NFILZ: variants seen among roughly 807,000 people sequenced by gnomAD.
NFILZ encodes the protein NFIL3 like protein.
chr19:8,656,688 A>G (rs1555748552), intron 3 of NFILZ, among the ~76,000 whole-genome samples: 1 of 152,206 alleles, frequency 6.6e-6, no homozygotes, highest in Non-Finnish European at 1.5e-5. Flanking sequence ...GGCCTGTGCT[A>G]GGTGAATGGA....
At chr19:8,648,671 AC>A (rs2042952639) in intron 3 of NFILZ, among the ~76,000 whole-genome samples, 1 of 151,590 alleles carries the variant, frequency 6.6e-6, no homozygotes, top group Non-Finnish European at 1.5e-5. Context: ...TACAAACAAA[AC>A]AAAACAAACA....
In NFILZ at chr19:8,680,564, C is replaced by T. The variant is rs188518198; in HGVS notation, c.*2929C>T. Reference sequence around the variant, plus strand: ...CAGGTACTGGGGAAAGAGAAGTGAACACAATAGATGTGATTCCTGCCTCTA... The same window carrying T: ...CAGGTACTGGGGAAAGAGAAGTGAATACAATAGATGTGATTCCTGCCTCTA... On this transcript the variant is annotated 3_prime_UTR_variant, in exon 6 of 6. Transcript: ENST00000691075. 2.5e-4 allele frequency among the ~76,000 whole-genome samples: 38 copies of T among 151,998 alleles called. No individual in the cohort carries two copies. Among genetic ancestry groups the T allele is most frequent in the African/African-American group, 8.7e-4 (36 of 41,432 alleles).
intron 3 of NFILZ, among the ~76,000 whole-genome samples, chr19:8,661,889 CACAA>C (rs2043033444): frequency 3.9e-5 from 6 of 152,022 alleles, no homozygotes; most frequent in Admixed American, 3.9e-4. Context: ...TGTCTCAAAA[CACAA>C]ACAAACAAAA....
At chr19:8,643,305 G>C (rs1215125901) in intron 3 of NFILZ, among the ~76,000 whole-genome samples, 1 of 152,204 alleles carries the variant, frequency 6.6e-6, no homozygotes, top group African/African-American at 2.4e-5. Flanking sequence ...CAAAAGAAGA[G>C]AGTTTATAAG....
intron 3 of NFILZ, among the ~76,000 whole-genome samples, chr19:8,651,920 A>G (rs2042966302): frequency 6.6e-6 from 1 of 152,070 alleles, no homozygotes. Flanking sequence ...TCCTTCAACT[A>G]TCTACTTTCA....
chr19:8,647,197 C>T (rs1555747143), intron 3 of NFILZ, among the ~76,000 whole-genome samples: 5 of 152,146 alleles, frequency 3.3e-5, no homozygotes. Flanking sequence ...GACATGGAAT[C>T]AGCCCAAATG....
chr19:8,641,612 A>T (rs73503650), intron 3 of NFILZ, among the ~76,000 whole-genome samples: 118 of 152,266 alleles, frequency 7.7e-4, no homozygotes, highest in African/African-American at 2.7e-3. Flanking sequence ...GAGCACAAAG[A>T]CTTGCTCAGG....
rs895004432 is a variant in NFILZ, at chr19:8,634,569, A to G, written c.-260-1081A>G. Among the ~76,000 whole-genome samples, 55 of 152,308 alleles carry G rather than the reference A, an allele frequency of 3.6e-4. 2 individuals carry two copies. The highest frequency in any genetic ancestry group is 8.8e-5 in the Non-Finnish European group (6 of 68,024). ...TTGTAATGTTTTTTCCTTTCATTTA[A>G]GTAAAAATTAAAGTGTAATTTACTG... On this transcript the variant is annotated intron_variant, in intron 2 of 5. Coordinates refer to ENST00000691075, the MANE Select transcript of NFILZ (RefSeq NM_001378600.1).
intron 3 of NFILZ, among the ~76,000 whole-genome samples, chr19:8,648,715 G>T (rs1416919471): frequency 6.6e-6 from 1 of 152,094 alleles, no homozygotes. Context: ...AGCCAGGCGT[G>T]GTGGTGCATG....
intron 3 of NFILZ, among the ~76,000 whole-genome samples, chr19:8,665,308 A>T (rs2043056884): frequency 6.6e-6 from 1 of 152,092 alleles, no homozygotes; most frequent in South Asian, 2.1e-4. Context: ...CAGAAGAAAC[A>T]TTATGTGGAG....
intron 3 of NFILZ, among the ~76,000 whole-genome samples, chr19:8,638,844 G>GT (rs541846743): frequency 0.014 from 1,876 of 135,568 alleles, 22 homozygotes; most frequent in African/African-American, 0.027. Context: ...TTACTTTGCT[G>GT]TTTTTTTTTT....
intron 3 of NFILZ, among the ~76,000 whole-genome samples, chr19:8,672,282 C>A (rs1303704247): frequency 1.3e-5 from 2 of 151,498 alleles, no homozygotes; most frequent in Non-Finnish European, 2.9e-5. Context: ...CAAAAAAAAT[C>A]CATGCACTTA....
At chr19:8,631,261 A>T (rs2042868103) in intron 1 of NFILZ, among the ~76,000 whole-genome samples, 1 of 151,980 alleles carries the variant, frequency 6.6e-6, no homozygotes, top group African/African-American at 2.4e-5. Flanking sequence ...CCTTCCCAGG[A>T]CCCGGGCACT....
intron 3 of NFILZ, among the ~76,000 whole-genome samples, chr19:8,652,920 T>C (rs1193815907): frequency 7.1e-6 from 1 of 140,312 alleles, no homozygotes; most frequent in Non-Finnish European, 1.6e-5. Context: ...TCTCTCTCTC[T>C]CTTCTCTCTC....
rs184033258 is a variant in NFILZ, at chr19:8,678,277, C to T, written c.*642C>T. ...TTTATCCATCCTCCATTTATCCATG[C>T]ATCTATTCTCATTCATCCATGCATT... On this transcript the variant is annotated 3_prime_UTR_variant, in exon 6 of 6. Transcript: ENST00000691075. 7.1e-4 allele frequency among the ~76,000 whole-genome samples: 106 copies of T among 149,774 alleles called. 1 individual carries two copies. In the South Asian group the frequency reaches 0.012, roughly 17 times the overall value.
intron 3 of NFILZ, among the ~76,000 whole-genome samples, chr19:8,645,394 C>G (rs572107365): frequency 2.7e-4 from 41 of 151,814 alleles, no homozygotes; most frequent in Non-Finnish European, 5.3e-4. Context: ...CCTGCCTAGG[C>G]CTCCCAAAGT....
intron 3 of NFILZ, among the ~76,000 whole-genome samples, chr19:8,668,147 C>T (rs2043070763): frequency 6.6e-6 from 1 of 152,036 alleles, no homozygotes; most frequent in Non-Finnish European, 1.5e-5. Context: ...GACAGGGTTT[C>T]ACCATGTTGG....
intron 3 of NFILZ, among the ~76,000 whole-genome samples, chr19:8,645,401 A>C (rs1197748535): frequency 6.6e-6 from 1 of 151,778 alleles, no homozygotes; most frequent in African/African-American, 2.4e-5. Context: ...AGGCCTCCCA[A>C]AGTGCTGGGA....
intron 3 of NFILZ, among the ~76,000 whole-genome samples, chr19:8,670,776 C>T (rs2043082868): frequency 6.6e-6 from 1 of 152,130 alleles, no homozygotes. Flanking sequence ...AGGTGGATCA[C>T]CTGAGGTCAG....
Sources: gnomAD v4.1 joint callset for allele counts (sites outside exome capture counted in the v4.1 genomes callset) on GRCh38, gnomAD v4.1.1 for gene constraint, MANE v1.5 for transcripts, NCBI Gene and HGNC (gene_info 2026-07-23, HGNC 2026-07-21) for gene names.